The following FER1L6 variants were observed in gnomAD, a reference collection of about 807,000 sequenced individuals.
The protein encoded by FER1L6 is fer-1 like family member 6, also known as fer-1-like protein 6.
FER1L6 carries 177 observed loss-of-function variants against 219.2 expected under a neutral mutation model. That is an observed-to-expected ratio of 0.81 (90% CI 0.71 to 0.91). The LOEUF (loss-of-function observed/expected upper bound fraction) is 0.91, where lower values mean the gene tolerates loss of function less well. Among genes scored for constraint, FER1L6 ranks in the 40% least tolerant of loss-of-function variants. FER1L6 has a pLI of 0.00. For missense variants in FER1L6, 2,153 were observed against 2,259.9 expected, an observed-to-expected ratio of 0.95 and a Z score of 0.96; for synonymous variants, 768 against 824.3, an observed-to-expected ratio of 0.93 and a Z score of 1.17.
At chr8:124,038,103 C>T (rs572205873) in intron 19 of FER1L6, among the ~76,000 whole-genome samples, 3 of 152,320 alleles carry the variant, frequency 2.0e-5, no homozygotes, top group Non-Finnish European at 4.4e-5. Flanking sequence ...ACGACTACAG[C>T]TGTCTGTGTC....
At chr8:123,966,730 A>T (rs1815558285) in intron 5 of FER1L6, among the ~76,000 whole-genome samples, 1 of 152,158 alleles carries the variant, frequency 6.6e-6, no homozygotes, top group Admixed American at 6.5e-5. Flanking sequence ...GCTGTGTAGA[A>T]ATTGTAAAGA....
At chr8:123,905,688 A>G (rs894733365) in intron 1 of FER1L6, among the ~76,000 whole-genome samples, 1 of 152,194 alleles carries the variant, frequency 6.6e-6, no homozygotes, top group African/African-American at 2.4e-5. Context: ...TTCCTTATCT[A>G]TAACTATTAC....
At chr8:123,981,621 G>T (rs1816330199) in intron 11 of FER1L6, among the ~76,000 whole-genome samples, 2 of 152,068 alleles carry the variant, frequency 1.3e-5, no homozygotes, top group African/African-American at 4.8e-5. Flanking sequence ...AGTCCAAAGG[G>T]GTATAGCAGC....
In FER1L6 at chr8:124,060,263, G is replaced by A. The variant is rs1820501591; in HGVS notation, c.2958G>A (p.Arg986=). ...TQIYPVPANI[R]PVLSKYRVEV... is the part of the protein sequence containing the mutation. ...TCTACCCGGTTCCTGCCAACATTCG[G>A]CCGGTGCTGAGCAAATACCGAGTGG... The change falls in exon 23 of 41, where the codon CGG becomes CGA. Residue 986 remains arginine, a synonymous_variant. Transcript: ENST00000522917. The A allele has an allele frequency of 6.2e-7, 1 of 1,614,014 alleles. No individual in the cohort carries two copies. Among genetic ancestry groups the A allele is most frequent in the Admixed American group, 1.7e-5 (1 of 60,002 alleles).
intron 35 of FER1L6, among the ~76,000 whole-genome samples, chr8:124,096,112 C>T (rs111866776): frequency 5.2e-4 from 79 of 152,244 alleles, no homozygotes; most frequent in African/African-American, 1.8e-3. Context: ...CACGTGTGGA[C>T]GACCGCGTTG....
intron 34 of FER1L6, 43 bp downstream of exon 34, chr8:124,091,626 G>GA: frequency 1.3e-6 from 2 of 1,588,592 alleles, no homozygotes; most frequent in Non-Finnish European, 1.7e-6. Context: ...CTCTTCTTTT[G>GA]AAAATCCTGA....
intron 34 of FER1L6, among the ~76,000 whole-genome samples, chr8:124,094,214 C>T (rs1822176003): frequency 6.6e-6 from 1 of 152,102 alleles, no homozygotes; most frequent in Non-Finnish European, 1.5e-5. Flanking sequence ...TTTTCCAGGT[C>T]CTCTCACAGT....
intron 1 of FER1L6, among the ~76,000 whole-genome samples, chr8:123,895,592 C>T (rs1428029253): frequency 2.6e-5 from 4 of 152,028 alleles, no homozygotes; most frequent in Non-Finnish European, 4.4e-5. Context: ...GGGATCTTAC[C>T]ACGGCATTAT....
intron 1 of FER1L6, among the ~76,000 whole-genome samples, chr8:123,897,019 C>T (rs903027701): frequency 4.6e-5 from 7 of 152,114 alleles, no homozygotes; most frequent in African/African-American, 9.7e-5. Flanking sequence ...TTATTCAGGC[C>T]GAAATTCTTT....
At chr8:123,994,312 T>A (rs1586565791) in intron 12 of FER1L6, among the ~76,000 whole-genome samples, 1 of 152,184 alleles carries the variant, frequency 6.6e-6, no homozygotes, top group Non-Finnish European at 1.5e-5. Context: ...GTCAAGTCCA[T>A]GCTCTGGCTC....
intron 18 of FER1L6, among the ~76,000 whole-genome samples, chr8:124,031,394 T>C (rs4311644): frequency 1.3e-5 from 2 of 152,054 alleles, no homozygotes; most frequent in Non-Finnish European, 2.9e-5. Context: ...AAAAGGGTAT[T>C]ATCTAATGCT....
chr8:123,916,837 G>C lies in FER1L6; in HGVS notation c.-7-39155G>C, dbSNP rs115603226. Among the ~76,000 whole-genome samples the C allele has an allele frequency of 1.6e-3, 245 of 152,258 alleles. 1 individual carries two copies. Among genetic ancestry groups the C allele is most frequent in the African/African-American group, 5.7e-3 (235 of 41,558 alleles). ...CCAGCAATTAATGCGTCAATGTCTG[G>C]TTTAGCAGGAGGTCCAGGGCTCTGC... On this transcript the variant is annotated intron_variant, in intron 1 of 40. Transcript: ENST00000522917.
intron 7 of FER1L6, among the ~76,000 whole-genome samples, chr8:123,974,676 A>G (rs1446352727): frequency 1.3e-5 from 2 of 149,362 alleles, no homozygotes; most frequent in East Asian, 2.0e-4. Flanking sequence ...AAAAAAAAAA[A>G]AAAAAAGAAA....
intron 1 of FER1L6, among the ~76,000 whole-genome samples, chr8:123,855,398 T>C (rs143159484): frequency 2.9e-4 from 44 of 152,270 alleles, no homozygotes; most frequent in Non-Finnish European, 3.1e-4. Flanking sequence ...GTAGCCTTGG[T>C]AAGTTCTGGT....
At chr8:124,095,766 G>A (rs994562294) in intron 35 of FER1L6, among the ~76,000 whole-genome samples, 1 of 152,168 alleles carries the variant, frequency 6.6e-6, no homozygotes, top group Non-Finnish European at 1.5e-5. Context: ...CCTAAACAAC[G>A]GAGTGACACC....
chr8:124,073,779 T>C (rs1016346865), intron 31 of FER1L6, among the ~76,000 whole-genome samples: 31 of 152,290 alleles, frequency 2.0e-4, no homozygotes, highest in African/African-American at 7.5e-4. Flanking sequence ...ACATACTAGT[T>C]GAGAGTGATG....
At chr8:123,984,743 A>G (rs1316383180) in intron 11 of FER1L6, 2 of 152,340 alleles carry the variant, frequency 1.3e-5, no homozygotes, top group East Asian at 3.9e-4. Context: ...CAGCTTCTGT[A>G]TGAAAGAAGG....
chr8:124,020,010 T>C (rs1818386030), intron 16 of FER1L6, among the ~76,000 whole-genome samples: 1 of 152,152 alleles, frequency 6.6e-6, no homozygotes, highest in Non-Finnish European at 1.5e-5. Context: ...AAATCTCATC[T>C]TGAGCTCTCA....
At chr8:124,016,435 A>C in intron 15 of FER1L6, among the ~76,000 whole-genome samples, 1 of 152,068 alleles carries the variant, frequency 6.6e-6, no homozygotes. Context: ...TTTCATCAGA[A>C]GTGCTCATCA....
Sources: allele counts gnomAD v4.1 joint callset (sites outside exome capture counted in the v4.1 genomes callset), GRCh38; gene constraint gnomAD v4.1.1; transcripts MANE v1.5; gene names NCBI Gene and HGNC (gene_info 2026-07-23, HGNC 2026-07-21).